SDK2: variants seen among roughly 807,000 people sequenced by gnomAD.
SDK2 encodes the protein sidekick cell adhesion molecule 2, also known as protein sidekick-2.
In SDK2, 105 loss-of-function variants were observed where a neutral mutation model predicts 253.9. That is an observed-to-expected ratio of 0.41 (90% CI 0.35 to 0.49). The LOEUF (loss-of-function observed/expected upper bound fraction) is 0.49, where lower values mean the gene tolerates loss of function less well. Among genes scored for constraint, SDK2 ranks in the 20% least tolerant of loss-of-function variants. SDK2 has a pLI of 0.06. For missense variants in SDK2, 2,608 were observed against 3,003.0 expected, an observed-to-expected ratio of 0.87 and a Z score of 3.07; for synonymous variants, 1,249 against 1,234.9, an observed-to-expected ratio of 1.01 and a Z score of -0.24.
chr17:73,435,276 G>A lies in SDK2; in HGVS notation c.1195+174C>T, dbSNP rs2063357793. ...AGGGCTCTGGACTCAGGGCTGCAGA[G>A]GCAGCAGCGGTAACTGGCTGTGCCC... On this transcript the variant is annotated intron_variant, in intron 9 of 44. Coordinates refer to ENST00000392650, the MANE Select transcript of SDK2 (RefSeq NM_001144952.2). This position sits in a 1 kb window ranked among gnomAD's most constrained non-coding sequence, Gnocchi z 5.7. 6.6e-6 allele frequency among the ~76,000 whole-genome samples: 1 copy of A among 152,230 alleles called. No homozygotes were observed. Among genetic ancestry groups the A allele is most frequent in the Non-Finnish European group, 1.5e-5 (1 of 68,040 alleles).
intron 38 of SDK2, among the ~76,000 whole-genome samples, chr17:73,362,180 C>T (rs1189949034): frequency 6.6e-6 from 1 of 152,206 alleles, no homozygotes; most frequent in Non-Finnish European, 1.5e-5. Context: ...TTTAATGTAA[C>T]CTCTGCACCC....
Position 73,401,092 on chromosome 17 carries a change from CGATGGTGTA to C in SDK2, c.2890_2898del (p.Tyr964_Ile966del). ...CCCTTTGAGGTCATGGCGGCCACCTCGATGGTGTAGGTGGTGAGCGCGGTGAGGCCCGTG... is the reference window on the plus strand; with the variant it reads ...CCCTTTGAGGTCATGGCGGCCACCTCGGTGGTGAGCGCGGTGAGGCCCGTG... On this transcript the variant is annotated inframe_deletion, in exon 21 of 45. Transcript: ENST00000392650. 6.4e-7 allele frequency: 1 copy of C among 1,568,994 alleles called. No homozygotes were observed. Among genetic ancestry groups the C allele is most frequent in the Non-Finnish European group, 8.6e-7 (1 of 1,157,158 alleles).
chr17:73,638,840 C>T (rs1016274475), intron 1 of SDK2, among the ~76,000 whole-genome samples: 3 of 146,298 alleles, frequency 2.1e-5, no homozygotes, highest in East Asian at 2.0e-4. Context: ...GACAGGGTCT[C>T]GCTCTGTTGT....
intron 15 of SDK2, among the ~76,000 whole-genome samples, chr17:73,420,222 C>T (rs2063218182): frequency 6.6e-6 from 1 of 152,276 alleles, no homozygotes; most frequent in Non-Finnish European, 1.5e-5. Flanking sequence ...GTACTTTTCA[C>T]ATCACGGACA....
In SDK2 at chr17:73,643,974, C is replaced by G. The variant is rs2046430570; in HGVS notation, c.64+51G>C. The G allele has an allele frequency of 1.8e-6, 2 of 1,089,294 alleles. No homozygotes were observed. Among genetic ancestry groups the G allele is most frequent in the South Asian group, 1.4e-5 (1 of 73,864 alleles). 67.5% of individuals were successfully genotyped at this position (1,089,294 alleles called of 1,614,324 possible). On this transcript the variant is annotated intron_variant, in intron 1 of 44. Transcript: ENST00000392650. The surrounding 1 kb of genome is among the most constrained non-coding windows in gnomAD (Gnocchi z 6.9). ...CGGCCAGCTCCCGCCGCCCCTCCCC[C>G]GCCCACTCTCCCAGCCCCCTCCCTG...
intron 8 of SDK2, among the ~76,000 whole-genome samples, chr17:73,437,183 C>T (rs1265553678): frequency 6.6e-6 from 1 of 152,178 alleles, no homozygotes; most frequent in South Asian, 2.1e-4. Flanking sequence ...TGTGCACGCT[C>T]TTCTCTCTTT....
Position 73,352,663 on chromosome 17 carries a change from C to G in SDK2, c.5594-26G>C, listed in dbSNP as rs1323134763. 2 of 1,610,680 alleles carry G rather than the reference C, an allele frequency of 1.2e-6. No individual in the cohort carries two copies. Among genetic ancestry groups the G allele is most frequent in the African/African-American group, 2.7e-5 (2 of 74,886 alleles). On this transcript the variant is annotated intron_variant, in intron 40 of 44. Transcript: ENST00000392650. The surrounding 1 kb of genome is among the most constrained non-coding windows in gnomAD (Gnocchi z 4.1). ...CTGCAGGAGCACAGAGATGGAGGCC[C>G]TGGGAGGTGAGGGGAAGCCCCAAAT...
Position 73,443,932 on chromosome 17 carries a change from G to A in SDK2, c.614-3009C>T, listed in dbSNP as rs149142391. 7.4e-4 allele frequency among the ~76,000 whole-genome samples: 112 copies of A among 152,314 alleles called. 1 individual carries two copies. The East Asian group carries it at 0.021, about 28-fold the overall frequency. ...AGGCACCAGAGATTCTCCACCAAGCGAGATGGCCAGGGTCTGTCCTCATGG... is the reference window on the plus strand; with the variant it reads ...AGGCACCAGAGATTCTCCACCAAGCAAGATGGCCAGGGTCTGTCCTCATGG... On this transcript the variant is annotated intron_variant, in intron 5 of 44. Coordinates refer to ENST00000392650, the MANE Select transcript of SDK2 (RefSeq NM_001144952.2). This position sits in a 1 kb window ranked among gnomAD's most constrained non-coding sequence, Gnocchi z 4.6.
rs766672147 is a variant in SDK2 at position 73,435,631 on chromosome 17, G to C, written c.1014C>G (p.Pro338=). 1 of 1,565,030 alleles carries C rather than the reference G, an allele frequency of 6.4e-7. No individual in the cohort carries two copies. The highest frequency in any genetic ancestry group is 1.2e-5 in the South Asian group (1 of 85,082). The part of the protein sequence containing the change: ...IPCQAKGVPP[P]SITWYKDAAV... Reference sequence around the variant, plus strand: ...CTGCGTCCTTGTACCAGGTGATGGAGGGCGGCGGCACACCTGTGGGCAAGA... The same window carrying C: ...CTGCGTCCTTGTACCAGGTGATGGACGGCGGCGGCACACCTGTGGGCAAGA... The change falls in exon 9 of 45, where the codon CCC becomes CCG. Residue 338 remains proline, a synonymous_variant. Transcript: ENST00000392650. This position sits in a 1 kb window ranked among gnomAD's most constrained non-coding sequence, Gnocchi z 5.7.
intron 2 of SDK2, among the ~76,000 whole-genome samples, chr17:73,504,070 G>C (rs189391892): frequency 2.0e-5 from 3 of 152,058 alleles, no homozygotes; most frequent in Non-Finnish European, 4.4e-5. Flanking sequence ...CTCTGACTTC[G>C]GTTCTGTGGT....
intron 2 of SDK2, among the ~76,000 whole-genome samples, chr17:73,495,652 G>GTT (rs2063836986): frequency 6.6e-6 from 1 of 151,580 alleles, no homozygotes; most frequent in Non-Finnish European, 1.5e-5. Context: ...GTGTTTGTTT[G>GTT]TGTATGTGTG....
intron 24 of SDK2, 22 bp downstream of exon 24, chr17:73,398,013 C>T: frequency 6.2e-7 from 1 of 1,606,450 alleles, no homozygotes. Context: ...AGGTCCCACC[C>T]CTGCCCTCGA....
intron 1 of SDK2, among the ~76,000 whole-genome samples, chr17:73,601,669 C>T (rs1054885896): frequency 1.3e-5 from 2 of 152,126 alleles, no homozygotes; most frequent in African/African-American, 4.8e-5. Flanking sequence ...CCGGGACAAG[C>T]TCTCCTTGGA....
At chr17:73,343,026 G>T (rs1599466073) in intron 44 of SDK2, among the ~76,000 whole-genome samples, 1 of 152,170 alleles carries the variant, frequency 6.6e-6, no homozygotes, top group East Asian at 1.9e-4. Context: ...GGAGTAGAAG[G>T]TTAGCTGATA....
intron 18 of SDK2, among the ~76,000 whole-genome samples, chr17:73,402,776 GTATTT>G (rs1347653540): frequency 6.6e-6 from 1 of 152,048 alleles, no homozygotes; most frequent in African/African-American, 2.4e-5. Context: ...GCCCAGCCCT[GTATTT>G]TATTTTATTA....
intron 1 of SDK2, among the ~76,000 whole-genome samples, chr17:73,513,153 A>G (rs553230608): frequency 4.6e-5 from 7 of 151,522 alleles, no homozygotes; most frequent in Non-Finnish European, 7.4e-5. Context: ...AAAAAAAAAA[A>G]CCCTCATAAA....
At chr17:73,514,395 A>G (rs2064006537) in intron 1 of SDK2, among the ~76,000 whole-genome samples, 1 of 152,140 alleles carries the variant, frequency 6.6e-6, no homozygotes, top group Non-Finnish European at 1.5e-5. Context: ...CCCCATACAG[A>G]AGCCAATCTC....
At position 73,442,522 on chromosome 17, in the gene SDK2, G is replaced by A. The variant is rs149651431; in HGVS notation, c.614-1599C>T. On this transcript the variant is annotated intron_variant, in intron 5 of 44. Transcript: ENST00000392650. ...CGTCCGGCTAATTTTTGTATTTTTA[G>A]TAGAGACGGGGTTTCACTATGTTGG... Among the ~76,000 whole-genome samples the A allele has an allele frequency of 6.8e-3, 1,040 of 152,232 alleles. 18 individuals carry two copies. Among genetic ancestry groups the A allele is most frequent in the African/African-American group, 0.024 (1,001 of 41,550 alleles).
chr17:73,460,007 C>T (rs920703028), intron 3 of SDK2, among the ~76,000 whole-genome samples: 2 of 152,218 alleles, frequency 1.3e-5, no homozygotes, highest in African/African-American at 4.8e-5. Context: ...ACTCTTTTTA[C>T]AGTATGATGG....
Sources: allele counts gnomAD v4.1 joint callset (sites outside exome capture counted in the v4.1 genomes callset), GRCh38; gene constraint gnomAD v4.1.1; non-coding constraint Gnocchi (gnomAD v3.1); transcripts MANE v1.5; gene names NCBI Gene and HGNC (gene_info 2026-07-23, HGNC 2026-07-21).